SCNN1A: variants seen among roughly 807,000 people sequenced by gnomAD.
SCNN1A encodes epithelial sodium channel subunit alpha.
A neutral mutation model predicts 68.6 loss-of-function variants in SCNN1A; 65 were observed. That is an observed-to-expected ratio of 0.95 (90% CI 0.78 to 1.16). The LOEUF (loss-of-function observed/expected upper bound fraction) is 1.16, where lower values mean the gene tolerates loss of function less well. Among genes scored for constraint, SCNN1A ranks in the 50% most tolerant of loss-of-function variants. SCNN1A has a pLI of 0.00. For missense variants in SCNN1A, 880 were observed against 865.9 expected, an observed-to-expected ratio of 1.02 and a Z score of -0.20; for synonymous variants, 357 against 353.3, an observed-to-expected ratio of 1.01 and a Z score of -0.12.
chr12:6,348,066 G>A lies in SCNN1A; in HGVS notation c.1817C>T (p.Ala606Val), dbSNP rs1450600390. Residue 606 changes from alanine to valine, a missense_variant, in exon 13 of 13, where the codon GCC (alanine) becomes GTC (valine). Ala to Val is a moderately conservative substitution (Grantham distance 64). Coordinates refer to ENST00000228916, the MANE Select transcript of SCNN1A (RefSeq NM_001038.6). ...GRGGRGAQEVASTLASSPPSH... is the reference protein window; with the variant it reads ...GRGGRGAQEVVSTLASSPPSH... Reference sequence around the variant, plus strand: ...AGGAGGGGAGGATGCCAGGGTGGAGGCTACCTCCTGAGCACCCCTGCCCCC... The same window carrying A: ...AGGAGGGGAGGATGCCAGGGTGGAGACTACCTCCTGAGCACCCCTGCCCCC... The A allele has an allele frequency of 1.9e-6, 3 of 1,613,556 alleles. No individual in the cohort carries two copies. Among genetic ancestry groups the A allele is most frequent in the African/African-American group, 1.3e-5 (1 of 74,916 alleles).
At chr12:6,352,171 T>C (rs1948399858) in intron 8 of SCNN1A, among the ~76,000 whole-genome samples, 1 of 152,168 alleles carries the variant, frequency 6.6e-6, no homozygotes. Context: ...TTGACTAAAA[T>C]GAAGCTGTAT....
chr12:6,352,958 C>G (rs566243931), intron 8 of SCNN1A, among the ~76,000 whole-genome samples: 1 of 152,244 alleles, frequency 6.6e-6, no homozygotes, highest in Non-Finnish European at 1.5e-5. Context: ...CCCTGTGGGA[C>G]AGCTGGGCCC....
chr12:6,349,222 C>T lies in SCNN1A; in HGVS notation c.1440-1G>A. On this transcript the variant is annotated splice_acceptor_variant, in intron 9 of 12. Coordinates refer to ENST00000228916, the MANE Select transcript of SCNN1A (RefSeq NM_001038.6). LOFTEE classifies it high-confidence loss of function. ...AGCAGAGAGCTGGTAGCTGGTCACG[C>T]TGGGGATGGAGAAAGGTGCTCAGTG... 6.2e-7 allele frequency: 1 copy of T among 1,614,154 alleles called. No homozygotes were observed. The highest frequency in any genetic ancestry group is 8.5e-7 in the Non-Finnish European group (1 of 1,180,016).
chr12:6,370,160 C>T lies in SCNN1A; in HGVS notation c.416+4208G>A, dbSNP rs558879929. ...TGAGTCAACCCTTACACAATTCCAT[C>T]GGGCAGGCATTATTATCCCCATTTT... On this transcript the variant is annotated intron_variant, in intron 2 of 12. Transcript: ENST00000228916. Among the ~76,000 whole-genome samples, 6 of 152,290 alleles carry T rather than the reference C, an allele frequency of 3.9e-5. No homozygotes were observed. The East Asian group carries it at 9.6e-4, about 24-fold the overall frequency.
intron 4 of SCNN1A, among the ~76,000 whole-genome samples, chr12:6,360,742 G>A (rs1290307900): frequency 1.3e-5 from 2 of 151,808 alleles, no homozygotes; most frequent in East Asian, 3.9e-4. Context: ...AGCAGGAGGA[G>A]AAGGCAGGGG....
At chr12:6,363,382 G>A in intron 3 of SCNN1A, 61 bp downstream of exon 3, 3 of 1,424,850 alleles carry the variant, frequency 2.1e-6, no homozygotes, top group Non-Finnish European at 2.8e-6. Context: ...GGAGCCCATG[G>A]GTGGGCGGGG....
In SCNN1A at chr12:6,363,596, A is replaced by ACGGCTGCGGGAGC; in HGVS notation, c.518_530dup (p.Arg178LeufsTer32). 1 of 1,612,366 alleles carries ACGGCTGCGGGAGC rather than the reference A, an allele frequency of 6.2e-7. No homozygotes were observed. The highest frequency in any genetic ancestry group is 8.5e-7 in the Non-Finnish European group (1 of 1,179,314). On this transcript the variant is annotated frameshift_variant, in exon 3 of 13. Transcript: ENST00000228916. LOFTEE classifies it high-confidence loss of function. Reference sequence around the variant, plus strand: ...GCGGCAGAGTCCCCCGCAGGTCGCGACGGCTGCGGGAGCCGGCCACGAGAG... The same window carrying ACGGCTGCGGGAGC: ...GCGGCAGAGTCCCCCGCAGGTCGCGACGGCTGCGGGAGCCGGCTGCGGGAGCCGGCCACGAGAG...
chr12:6,349,925 T>A, intron 8 of SCNN1A: 1 of 175,750 alleles, frequency 5.7e-6, no homozygotes, highest in Non-Finnish European at 1.2e-5. Context: ...ATGGGGTTTC[T>A]CTGTGTTAGC....
chr12:6,356,068 G>T, intron 4 of SCNN1A, 188 bp from the exon 5 acceptor site: 1 of 647,168 alleles, frequency 1.5e-6, no homozygotes. Flanking sequence ...CACTCCCTCA[G>T]TCACTCCAAC....
At chr12:6,354,729 C>T (rs201583095) in intron 7 of SCNN1A, 21 bp downstream of exon 7, 95 of 1,601,328 alleles carry the variant, frequency 5.9e-5, no homozygotes, top group African/African-American at 1.9e-4. Flanking sequence ...GTGGCTGCCA[C>T]GGAATCAGGT....
rs558668078 is a variant in SCNN1A, at chr12:6,351,708, G to C, written c.1361-2303C>G. Among the ~76,000 whole-genome samples, 1 of 152,202 alleles carries C rather than the reference G, an allele frequency of 6.6e-6. No homozygotes were observed. The highest frequency in any genetic ancestry group is 2.1e-4 in the South Asian group (1 of 4,820). On this transcript the variant is annotated intron_variant, in intron 8 of 12. Coordinates refer to ENST00000228916, the MANE Select transcript of SCNN1A (RefSeq NM_001038.6). The surrounding 1 kb of genome is among the most constrained non-coding windows in gnomAD (Gnocchi z 4.2). ...AAGAATCGTGGTTGCCCAAGGGCTG[G>C]CAGTGGTGGAGGAGGGGAGGGAAGC...
rs146064448 is a variant in SCNN1A, at chr12:6,354,731, G to A, written c.1242+19C>T. ...GCAGTGGCTGGGAGTGGCTGCCACG[G>A]AATCAGGTTGGGCCTCACCTGCTGT... On this transcript the variant is annotated intron_variant, in intron 7 of 12. Transcript: ENST00000228916. 1.8e-3 allele frequency: 2,830 copies of A among 1,602,874 alleles called. 24 individuals are homozygous for A. Among genetic ancestry groups the A allele is most frequent in the South Asian group, 0.017 (1,528 of 90,848 alleles).
At position 6,367,867 on chromosome 12, in the gene SCNN1A, G is replaced by T. The variant is rs571233267; in HGVS notation, c.417-4157C>A. 2.0e-4 allele frequency among the ~76,000 whole-genome samples: 31 copies of T among 152,252 alleles called. 3 individuals carry two copies. In the South Asian group the frequency reaches 6.4e-3, roughly 32 times the overall value. The stretch of plus-strand genomic sequence containing the variant: ...CTAACGTGCAGCTACATTAACCACC[G>T]TCTAGTCCAGATCTTCACTTCCTCT... On this transcript the variant is annotated intron_variant, in intron 2 of 12. Transcript: ENST00000228916.
intron 5 of SCNN1A, 64 bp downstream of exon 5, chr12:6,355,713 C>T (rs1948485062): frequency 8.5e-7 from 1 of 1,181,518 alleles, no homozygotes; most frequent in Non-Finnish European, 1.3e-6. Flanking sequence ...GAGGTGAGCT[C>T]AAGGTAAGTA....
intron 4 of SCNN1A, among the ~76,000 whole-genome samples, chr12:6,360,786 C>A (rs895644920): frequency 2.8e-4 from 42 of 152,248 alleles, no homozygotes; most frequent in African/African-American, 9.1e-4. Flanking sequence ...AGGGGACCCC[C>A]CCCTCGCCTC....
At position 6,369,342 on chromosome 12, in the gene SCNN1A, A is replaced by ACCTCCCTCCTGCCACCCTACGCG. The variant is rs764497992; in HGVS notation, c.416+5003_416+5025dup. 1.7e-3 allele frequency among the ~76,000 whole-genome samples: 219 copies of ACCTCCCTCCTGCCACCCTACGCG among 130,594 alleles called. 1 individual carries two copies. The highest frequency in any genetic ancestry group is 6.3e-3 in the South Asian group (24 of 3,830). 85.7% of individuals were successfully genotyped at this position (130,594 alleles called of 152,430 possible). ...GCACCTCCCTCCTGCCACCCTACGCACCTCCCTCCTGCCACCCTACGCGCC... is the reference window on the plus strand; with the variant it reads ...GCACCTCCCTCCTGCCACCCTACGCACCTCCCTCCTGCCACCCTACGCGCCTCCCTCCTGCCACCCTACGCGCC... On this transcript the variant is annotated intron_variant, in intron 2 of 12. Transcript: ENST00000228916.
chr12:6,349,791 A>G (rs72657565), intron 8 of SCNN1A: 7,865 of 216,630 alleles, frequency 0.036, 638 homozygotes, highest in African/African-American at 0.17. Flanking sequence ...CAGTGGCGCA[A>G]TCTTGGCTCA....
Position 6,347,772 on chromosome 12 carries a change from G to A in SCNN1A, c.*101C>T, listed in dbSNP as rs553848085. 9 of 1,027,090 alleles carry A rather than the reference G, an allele frequency of 8.8e-6. No individual in the cohort carries two copies. The highest frequency in any genetic ancestry group is 1.4e-5 in the South Asian group (1 of 73,134). 63.6% of individuals were successfully genotyped at this position (1,027,090 alleles called of 1,614,324 possible). ...TCCACACATCAACGGCAGTTTGGGC[G>A]GCTCTGAGAGGAAGCCCTGCACATC... On this transcript the variant is annotated 3_prime_UTR_variant, in exon 13 of 13. Transcript: ENST00000228916.
In SCNN1A at chr12:6,347,722, G is replaced by C. The variant is rs1002178257; in HGVS notation, c.*151C>G. 1.4e-6 allele frequency: 1 copy of C among 700,922 alleles called. No individual in the cohort carries two copies. Among genetic ancestry groups the C allele is most frequent in the Non-Finnish European group, 2.5e-6 (1 of 397,044 alleles). The allele number at this position is 700,922 out of a possible 1,614,324, so 43.4% of individuals were successfully genotyped here. Reference sequence around the variant, plus strand: ...GCTACTGTTCTTGGAGCAACTTCCTGAGCCCTTACCCATCTTGCTTCCCCT... The same window carrying C: ...GCTACTGTTCTTGGAGCAACTTCCTCAGCCCTTACCCATCTTGCTTCCCCT... On this transcript the variant is annotated 3_prime_UTR_variant, in exon 13 of 13. Transcript: ENST00000228916.
Sources: gnomAD v4.1 joint callset for allele counts (sites outside exome capture counted in the v4.1 genomes callset) on GRCh38, gnomAD v4.1.1 for gene constraint, Gnocchi (gnomAD v3.1) non-coding constraint, MANE v1.5 for transcripts, NCBI Gene and HGNC (gene_info 2026-07-23, HGNC 2026-07-21) for gene names.